The following KLHL2 variants were observed in gnomAD, a reference collection of about 807,000 sequenced individuals.
The protein encoded by KLHL2 is kelch-like protein 2.
KLHL2 carries 15 observed loss-of-function variants against 75.8 expected under a neutral mutation model. That is an observed-to-expected ratio of 0.20 (90% CI 0.13 to 0.30). The LOEUF is 0.30. Among genes scored for constraint, KLHL2 ranks in the 10% least tolerant of loss-of-function variants. The pLI is 1.00. For synonymous variants in KLHL2, 214 were observed against 251.9 expected, an observed-to-expected ratio of 0.85 and a Z score of 1.42; for missense variants, 381 against 741.0, an observed-to-expected ratio of 0.51 and a Z score of 5.64.
intron 5 of KLHL2, among the ~76,000 whole-genome samples, chr4:165,272,956 A>C (rs1742811038): frequency 6.6e-6 from 1 of 152,178 alleles, no homozygotes; most frequent in Non-Finnish European, 1.5e-5. Flanking sequence ...TTTGCATCTG[A>C]ATCTAGCTTT....
At chr4:165,251,646 G>A (rs1223254826) in intron 4 of KLHL2, among the ~76,000 whole-genome samples, 1 of 129,852 alleles carries the variant, frequency 7.7e-6, no homozygotes, top group African/African-American at 2.9e-5. Flanking sequence ...GTCTCGCTCT[G>A]TCGCCCAGGC....
intron 5 of KLHL2, chr4:165,278,895 C>T (rs753575758): frequency 1.2e-5 from 17 of 1,426,150 alleles, no homozygotes; most frequent in South Asian, 3.4e-5. Context: ...GATATTGGCA[C>T]ACCTTCCAAG....
rs185251257 is a variant in KLHL2 at position 165,294,325 on chromosome 4, A to T, written c.545-34A>T. 1.7e-4 allele frequency: 196 copies of T among 1,149,252 alleles called. No homozygotes were observed. The African/African-American group carries it at 2.4e-3, about 14-fold the overall frequency. The allele number at this position is 1,149,252 out of a possible 1,614,324, so 71.2% of individuals were successfully genotyped here. On this transcript the variant is annotated intron_variant, in intron 5 of 14. Transcript: ENST00000226725. ...TTGAAACTATGATAATGGAATGTTG[A>T]TGTTAGTGGATTTTCTTTTTAATTC...
intron 3 of KLHL2, among the ~76,000 whole-genome samples, chr4:165,237,224 G>T (rs1447706769): frequency 6.6e-6 from 1 of 152,076 alleles, no homozygotes; most frequent in Non-Finnish European, 1.5e-5. Context: ...GATAGAGAAA[G>T]GTGCCTTATA....
intron 4 of KLHL2, among the ~76,000 whole-genome samples, chr4:165,251,524 G>T (rs1740696923): frequency 6.6e-6 from 1 of 151,384 alleles, no homozygotes; most frequent in Admixed American, 6.6e-5. Flanking sequence ...GGCCATTGAG[G>T]TCAGCTAGTT....
In KLHL2 at chr4:165,238,913, C is replaced by T. The variant is rs1560996721; in HGVS notation, c.381+14C>T. ...GAAAATGTACAGGTAAGAGTAAACA[C>T]TTCACACCATCTAGCTTTTTATGCA... On this transcript the variant is annotated intron_variant, in intron 4 of 14. Transcript: ENST00000226725. 1.3e-6 allele frequency: 2 copies of T among 1,599,882 alleles called. No individual in the cohort carries two copies. The highest frequency in any genetic ancestry group is 1.7e-6 in the Non-Finnish European group (2 of 1,176,434).
chr4:165,235,757 A>G (rs1442223689), intron 3 of KLHL2, among the ~76,000 whole-genome samples: 1 of 152,108 alleles, frequency 6.6e-6, no homozygotes, highest in Admixed American at 6.5e-5. Flanking sequence ...AGATAAGGCT[A>G]CCTAGAGAGG....
intron 4 of KLHL2, among the ~76,000 whole-genome samples, chr4:165,261,970 T>C (rs1741712053): frequency 6.6e-6 from 1 of 152,222 alleles, no homozygotes; most frequent in South Asian, 2.1e-4. Flanking sequence ...TTCGAATAGT[T>C]GAAGGTTTTT....
chr4:165,252,081 A>G lies in KLHL2; in HGVS notation c.382-11116A>G, dbSNP rs142577934. Among the ~76,000 whole-genome samples, 879 of 152,340 alleles carry G rather than the reference A, an allele frequency of 5.8e-3. 9 individuals are homozygous for G. The highest frequency in any genetic ancestry group is 0.02 in the African/African-American group (814 of 41,586). ...TTAAGTAGTTTCATGTGGTACATAA[A>G]AGGCATTTATCTTGATGAACAAAAA... On this transcript the variant is annotated intron_variant, in intron 4 of 14. Coordinates refer to ENST00000226725, the MANE Select transcript of KLHL2 (RefSeq NM_007246.4).
chr4:165,254,910 T>C (rs771245972), intron 4 of KLHL2, among the ~76,000 whole-genome samples: 1 of 152,228 alleles, frequency 6.6e-6, no homozygotes, highest in Non-Finnish European at 1.5e-5. Context: ...TAAATCTTGG[T>C]GTTCAATTCT....
intron 4 of KLHL2, among the ~76,000 whole-genome samples, chr4:165,249,375 G>A (rs1560768293): frequency 2.6e-5 from 4 of 152,194 alleles, no homozygotes; most frequent in South Asian, 2.1e-4. Flanking sequence ...TACATTATCC[G>A]GTGTGCATCA....
At chr4:165,215,793 G>A (rs1189772419) in intron 1 of KLHL2, among the ~76,000 whole-genome samples, 3 of 151,980 alleles carry the variant, frequency 2.0e-5, no homozygotes, top group African/African-American at 7.3e-5. Context: ...TTCTGAGGTG[G>A]GAGGTAAGTT....
At chr4:165,290,998 C>CA in intron 5 of KLHL2, among the ~76,000 whole-genome samples, 1 of 152,242 alleles carries the variant, frequency 6.6e-6, no homozygotes, top group South Asian at 2.1e-4. Context: ...TTGGTGTTGT[C>CA]AGTGTTTTGG....
chr4:165,280,380 A>G (rs1743571493), intron 5 of KLHL2, among the ~76,000 whole-genome samples: 1 of 152,234 alleles, frequency 6.6e-6, no homozygotes. Context: ...AATTTCTTCA[A>G]TCATTTGCCC....
chr4:165,241,266 CAT>C (rs948531772), intron 4 of KLHL2, among the ~76,000 whole-genome samples: 6 of 152,110 alleles, frequency 3.9e-5, no homozygotes, highest in Admixed American at 6.5e-5. Context: ...TTTTCCATAA[CAT>C]GTGTTTTTCA....
chr4:165,255,588 C>G (rs552946327), intron 4 of KLHL2, among the ~76,000 whole-genome samples: 39 of 152,266 alleles, frequency 2.6e-4, no homozygotes, highest in African/African-American at 7.9e-4. Context: ...CCTTGGCACT[C>G]TGCCATCTCC....
At chr4:165,300,270 A>G (rs1356236084) in intron 8 of KLHL2, among the ~76,000 whole-genome samples, 4 of 151,942 alleles carry the variant, frequency 2.6e-5, no homozygotes, top group African/African-American at 4.8e-5. Flanking sequence ...AGTCTGGGCA[A>G]CAATGTGACA....
intron 6 of KLHL2, among the ~76,000 whole-genome samples, chr4:165,296,107 C>CT (rs1744887914): frequency 6.6e-6 from 1 of 152,216 alleles, no homozygotes; most frequent in Admixed American, 6.5e-5. Flanking sequence ...TCCACAGTGT[C>CT]TGAGACCTCG....
chr4:165,316,290 T>C (rs1180777507), intron 13 of KLHL2, among the ~76,000 whole-genome samples: 2 of 152,218 alleles, frequency 1.3e-5, no homozygotes, highest in African/African-American at 2.4e-5. Context: ...TGTTCATGCC[T>C]TCCATCATAG....
Sources: allele counts gnomAD v4.1 joint callset (sites outside exome capture counted in the v4.1 genomes callset), GRCh38; gene constraint gnomAD v4.1.1; transcripts MANE v1.5; gene names NCBI Gene and HGNC (gene_info 2026-07-23, HGNC 2026-07-21).